EFCAB6: variants seen among roughly 807,000 people sequenced by gnomAD.
EFCAB6 encodes EF-hand calcium-binding domain-containing protein 6.
In EFCAB6, 156 loss-of-function variants were observed where a neutral mutation model predicts 169.8. The ratio of observed to expected loss-of-function variants is 0.92; its 90% confidence interval spans 0.81 to 1.05. The LOEUF (loss-of-function observed/expected upper bound fraction) is 1.05. Ranked by LOEUF, EFCAB6 falls within the 50% of genes least tolerant of loss-of-function variation. The probability of loss-of-function intolerance (pLI) is 0.00; values close to 1 mark genes in which losing one functional copy is unlikely to be tolerated. For synonymous variants in EFCAB6, 698 were observed against 676.4 expected (o/e 1.03, Z -0.50); for missense variants, 1,800 against 1,829.1 (o/e 0.98, Z 0.29).
chr22:43,666,397 G>A (rs1427589118), intron 17 of EFCAB6, among the ~76,000 whole-genome samples: 5 of 152,262 alleles, frequency 3.3e-5, no homozygotes, highest in African/African-American at 9.6e-5. Context: ...GGCAGGCACC[G>A]GATGAAGGGG....
At chr22:43,536,101 A>G (rs1156550042) in intron 29 of EFCAB6, 1 of 152,218 alleles carries the variant, frequency 6.6e-6, no homozygotes, top group African/African-American at 2.4e-5. Context: ...GGGGACTTAA[A>G]TGAGTTCATG....
intron 17 of EFCAB6, among the ~76,000 whole-genome samples, chr22:43,644,116 G>A (rs1051407869): frequency 2.0e-5 from 3 of 152,100 alleles, no homozygotes; most frequent in Non-Finnish European, 4.4e-5. Context: ...GGCTGCGTGC[G>A]GGTTGACTGG....
intron 25 of EFCAB6, among the ~76,000 whole-genome samples, chr22:43,578,641 T>C (rs1187295495): frequency 2.0e-5 from 3 of 152,018 alleles, no homozygotes; most frequent in Non-Finnish European, 4.4e-5. Flanking sequence ...CATCATTCCA[T>C]ACATGTAGGC....
At chr22:43,798,475 C>T (rs192940466) in intron 2 of EFCAB6, among the ~76,000 whole-genome samples, 36 of 152,292 alleles carry the variant, frequency 2.4e-4, no homozygotes, top group African/African-American at 8.7e-4. Flanking sequence ...TTCAGGGAGC[C>T]TTCCTTGACA....
rs141739398 is a variant in EFCAB6, at chr22:43,799,432, A to C, written c.-8+9563T>G. On this transcript the variant is annotated intron_variant, in intron 2 of 31. Transcript: ENST00000262726. ...ATTCACCAAGGAAAAAGATATGCAC[A>C]CTGTTAAAAACTAGTGAAATGTGAA... Among the ~76,000 whole-genome samples the C allele has an allele frequency of 4.8e-3, 728 of 152,274 alleles. 5 individuals are homozygous for C. Among genetic ancestry groups the C allele is most frequent in the African/African-American group, 0.017 (686 of 41,538 alleles).
chr22:43,611,399 A>G (rs1192403081), intron 21 of EFCAB6, among the ~76,000 whole-genome samples: 1 of 152,252 alleles, frequency 6.6e-6, no homozygotes, highest in African/African-American at 2.4e-5. Flanking sequence ...GGGATAATCA[A>G]TATCATTAAA....
Position 43,537,469 on chromosome 22 carries a change from TTC to T in EFCAB6, c.3954_3955del (p.Lys1319GlufsTer64). Reference sequence around the variant, plus strand: ...CTGGCGCCAGCAGCCCTGGATTCTCTTCCGGAGCCTGCTCTCTATGGGATCAC... The same window carrying T: ...CTGGCGCCAGCAGCCCTGGATTCTCTCGGAGCCTGCTCTCTATGGGATCAC... On this transcript the variant is annotated frameshift_variant, in exon 29 of 32. Coordinates refer to ENST00000262726, the MANE Select transcript of EFCAB6 (RefSeq NM_022785.4). LOFTEE classifies it high-confidence loss of function. This position sits in a 1 kb window ranked among gnomAD's most constrained non-coding sequence, Gnocchi z 4.3. 9 of 1,614,140 alleles carry T rather than the reference TTC, an allele frequency of 5.6e-6. No homozygotes were observed. The highest frequency in any genetic ancestry group is 7.6e-6 in the Non-Finnish European group (9 of 1,180,032).
At chr22:43,671,859 G>A in intron 15 of EFCAB6, 114 bp downstream of exon 15, 3 of 1,259,040 alleles carry the variant, frequency 2.4e-6, no homozygotes, top group Non-Finnish European at 2.2e-6. Flanking sequence ...GCAAATAGCA[G>A]TTATTATCAA....
At chr22:43,710,067 T>A (rs1375156666) in intron 10 of EFCAB6, among the ~76,000 whole-genome samples, 1 of 152,198 alleles carries the variant, frequency 6.6e-6, no homozygotes, top group Admixed American at 6.5e-5. Context: ...GGACAATCTT[T>A]CCATTAGCTT....
intron 9 of EFCAB6, 148 bp downstream of exon 9, chr22:43,716,700 G>T: frequency 1.2e-6 from 1 of 834,344 alleles, no homozygotes; most frequent in South Asian, 3.3e-5. Context: ...TGCTGTTATT[G>T]GGAGGTAGAG....
chr22:43,735,464 T>G (rs1477310501), intron 7 of EFCAB6, among the ~76,000 whole-genome samples: 2 of 151,990 alleles, frequency 1.3e-5, no homozygotes, highest in East Asian at 3.9e-4. Flanking sequence ...ATCCTGAAAT[T>G]TGTCATTCTT....
intron 31 of EFCAB6, among the ~76,000 whole-genome samples, chr22:43,529,401 C>T (rs1305780290): frequency 3.3e-5 from 5 of 152,132 alleles, no homozygotes; most frequent in African/African-American, 1.2e-4. Flanking sequence ...GTGATAAGAC[C>T]GTAACAGAGC....
intron 2 of EFCAB6, among the ~76,000 whole-genome samples, chr22:43,786,443 C>T (rs1457196752): frequency 6.6e-6 from 1 of 151,314 alleles, no homozygotes; most frequent in Admixed American, 6.6e-5. Context: ...AGAAAGTGGC[C>T]GGGCACAGTG....
At chr22:43,758,981 A>G (rs1323295321) in intron 5 of EFCAB6, among the ~76,000 whole-genome samples, 6 of 152,184 alleles carry the variant, frequency 3.9e-5, no homozygotes, top group Admixed American at 1.3e-4. Flanking sequence ...CCAGCACTTT[A>G]GGAGGCCAAG....
In EFCAB6 at chr22:43,748,937, G is replaced by A. The variant is rs187894570; in HGVS notation, c.507+6829C>T. ...ACGGGCTCTGGCTTATGTTTTGAAC[G>A]GATAACTCTGGCTGTTGTGTGGAAT... On this transcript the variant is annotated intron_variant, in intron 6 of 31. Coordinates refer to ENST00000262726, the MANE Select transcript of EFCAB6 (RefSeq NM_022785.4). Among the ~76,000 whole-genome samples the A allele has an allele frequency of 2.2e-3, 339 of 152,254 alleles. 1 individual carries two copies. The highest frequency in any genetic ancestry group is 2.2e-3 in the Non-Finnish European group (148 of 68,024).
At chr22:43,713,119 G>A (rs1428657770) in intron 9 of EFCAB6, among the ~76,000 whole-genome samples, 2 of 151,992 alleles carry the variant, frequency 1.3e-5, no homozygotes, top group Admixed American at 6.6e-5. Flanking sequence ...GGTCCCTGCT[G>A]TTATTCTCTC....
chr22:43,616,964 C>G (rs1236049960), intron 20 of EFCAB6, among the ~76,000 whole-genome samples: 1 of 152,238 alleles, frequency 6.6e-6, no homozygotes, highest in Admixed American at 6.5e-5. Flanking sequence ...TCTCTCCACT[C>G]TCTTCTGAGA....
chr22:43,701,156 C>T (rs1226988440), intron 10 of EFCAB6, among the ~76,000 whole-genome samples: 2 of 152,148 alleles, frequency 1.3e-5, no homozygotes, highest in South Asian at 2.1e-4. Context: ...TCTGACTCCA[C>T]CACTTTCTCC....
intron 2 of EFCAB6, chr22:43,802,669 G>C: frequency 2.0e-6 from 1 of 503,336 alleles, no homozygotes; most frequent in Non-Finnish European, 3.9e-6. Flanking sequence ...TACACAAAGG[G>C]AAAAAGGGAA....
Sources: allele counts gnomAD v4.1 joint callset (sites outside exome capture counted in the v4.1 genomes callset), GRCh38; gene constraint gnomAD v4.1.1; non-coding constraint Gnocchi (gnomAD v3.1); transcripts MANE v1.5; gene names NCBI Gene and HGNC (gene_info 2026-07-23, HGNC 2026-07-21).